GRID1: variants seen among roughly 807,000 people sequenced by gnomAD.
GRID1 encodes the protein glutamate receptor ionotropic, delta-1.
In GRID1, 28 loss-of-function variants were observed where a neutral mutation model predicts 98.0. That is an observed-to-expected ratio of 0.29 (90% CI 0.21 to 0.39). The LOEUF is 0.39. Ranked by LOEUF, GRID1 falls within the 10% of genes least tolerant of loss-of-function variation. The probability of loss-of-function intolerance (pLI) is 1.00; values close to 1 mark genes in which losing one functional copy is unlikely to be tolerated. For missense variants in GRID1, 1,111 were observed against 1,340.5 expected (o/e 0.83, Z 2.67); for synonymous variants, 553 against 538.5 (o/e 1.03, Z -0.37).
At chr10:86,140,317 G>A (rs1589385394) in intron 3 of GRID1, among the ~76,000 whole-genome samples, 1 of 152,366 alleles carries the variant, frequency 6.6e-6, no homozygotes. Flanking sequence ...GCACGGCCTG[G>A]CCCATGCAGT....
chr10:86,342,802 G>A (rs1448731839), intron 2 of GRID1, among the ~76,000 whole-genome samples: 2 of 152,236 alleles, frequency 1.3e-5, no homozygotes, highest in Non-Finnish European at 2.9e-5. Context: ...TGTGAGCCCC[G>A]GCCCGACAGC....
At chr10:86,261,946 A>G (rs1243935474) in intron 2 of GRID1, among the ~76,000 whole-genome samples, 1 of 152,264 alleles carries the variant, frequency 6.6e-6, no homozygotes, top group Non-Finnish European at 1.5e-5. Flanking sequence ...TGTGTGCCAG[A>G]CATCAGCCCA....
intron 9 of GRID1, 70 bp from the exon 10 acceptor site, chr10:85,728,122 T>C: frequency 9.1e-7 from 1 of 1,098,598 alleles, no homozygotes. Context: ...CAGTGTAATG[T>C]TAGAGAGAAA....
chr10:86,064,497 G>T (rs1457436868), intron 4 of GRID1, among the ~76,000 whole-genome samples: 2 of 152,212 alleles, frequency 1.3e-5, no homozygotes, highest in African/African-American at 4.8e-5. Flanking sequence ...CTCCCTGAGG[G>T]CACAGTGCCT....
At chr10:85,940,529 C>A (rs1296440478) in intron 4 of GRID1, among the ~76,000 whole-genome samples, 1 of 152,110 alleles carries the variant, frequency 6.6e-6, no homozygotes, top group African/African-American at 2.4e-5. Context: ...GAGAAACATC[C>A]GTTTCTATCG....
intron 2 of GRID1, among the ~76,000 whole-genome samples, chr10:86,246,191 C>G (rs897884855): frequency 6.6e-6 from 1 of 152,224 alleles, no homozygotes; most frequent in African/African-American, 2.4e-5. Context: ...TGACTTAGAG[C>G]CAGCCTGGAG....
At chr10:86,361,113 C>A (rs1454579547) in intron 2 of GRID1, among the ~76,000 whole-genome samples, 1 of 152,208 alleles carries the variant, frequency 6.6e-6, no homozygotes, top group Non-Finnish European at 1.5e-5. Flanking sequence ...ATTCATCAAG[C>A]AGGGATCAAG....
chr10:86,206,749 C>T lies in GRID1; in HGVS notation c.236-101G>A. 8.8e-7 allele frequency: 1 copy of T among 1,131,702 alleles called. No individual in the cohort carries two copies. Among genetic ancestry groups the T allele is most frequent in the Non-Finnish European group, 1.3e-6 (1 of 799,178 alleles). The allele number at this position is 1,131,702 out of a possible 1,614,324, so 70.1% of individuals were successfully genotyped here. ...TGCCTGGCAGCTCATGCCCAGGACT[C>T]CCAAGAGAGGCTGCCTCCCTCCAGG... On this transcript the variant is annotated intron_variant, in intron 2 of 15. Coordinates refer to ENST00000327946, the MANE Select transcript of GRID1 (RefSeq NM_017551.3). This position sits in a 1 kb window ranked among gnomAD's most constrained non-coding sequence, Gnocchi z 4.1.
intron 4 of GRID1, among the ~76,000 whole-genome samples, chr10:85,937,709 C>T (rs749959594): frequency 9.9e-5 from 15 of 152,186 alleles, no homozygotes; most frequent in Non-Finnish European, 4.4e-5. Flanking sequence ...CCCACTGGAA[C>T]ATTTGGCAAT....
At chr10:85,812,236 A>T (rs1233290245) in intron 8 of GRID1, among the ~76,000 whole-genome samples, 12 of 152,214 alleles carry the variant, frequency 7.9e-5, no homozygotes, top group Non-Finnish European at 1.3e-4. Flanking sequence ...GATAACTACC[A>T]TCATGAAAAC....
chr10:86,324,631 T>G lies in GRID1; in HGVS notation c.235+39310A>C, dbSNP rs552384623. 3.9e-5 allele frequency among the ~76,000 whole-genome samples: 6 copies of G among 152,194 alleles called. No homozygotes were observed. In the East Asian group the frequency reaches 1.2e-3, roughly 29 times the overall value. On this transcript the variant is annotated intron_variant, in intron 2 of 15. Coordinates refer to ENST00000327946, the MANE Select transcript of GRID1 (RefSeq NM_017551.3). The stretch of plus-strand genomic sequence containing the variant: ...AAAAACCTGGACAAAGAAAACACAG[T>G]TGATTCAATAAAAGGCAGGAAAGGG...
At chr10:85,674,921 T>C (rs1317645846) in intron 12 of GRID1, among the ~76,000 whole-genome samples, 1 of 152,196 alleles carries the variant, frequency 6.6e-6, no homozygotes, top group Non-Finnish European at 1.5e-5. Flanking sequence ...AGAGTATCGT[T>C]CTGCTTAAAC....
chr10:85,701,748 T>G (rs1361607036), intron 12 of GRID1, among the ~76,000 whole-genome samples: 1 of 152,164 alleles, frequency 6.6e-6, no homozygotes, highest in Non-Finnish European at 1.5e-5. Flanking sequence ...AAACATCATA[T>G]GTTCTCACTG....
intron 15 of GRID1, chr10:85,606,899 G>A (rs1249021020): frequency 1.3e-5 from 2 of 152,146 alleles, no homozygotes; most frequent in East Asian, 3.8e-4. Flanking sequence ...ATTATCCCAA[G>A]GTTTCGGTAT....
chr10:85,880,300 C>G (rs1447557447), intron 5 of GRID1, among the ~76,000 whole-genome samples: 1 of 152,160 alleles, frequency 6.6e-6, no homozygotes. Context: ...GATACCAAAG[C>G]TGGGCAGAGA....
rs75976157 is a variant in GRID1 at position 85,836,459 on chromosome 10, G to C, written c.1233+18037C>G. Among the ~76,000 whole-genome samples, 971 of 152,262 alleles carry C rather than the reference G, an allele frequency of 6.4e-3. 10 individuals are homozygous for C. The highest frequency in any genetic ancestry group is 0.022 in the African/African-American group (898 of 41,560). ...TGGGATTCATTTTTGACCTACAACA[G>C]CTCTAGGGGAATGGATGAATTGAAC... is the stretch of plus-strand genomic sequence containing the variant. On this transcript the variant is annotated intron_variant, in intron 8 of 15. Coordinates refer to ENST00000327946, the MANE Select transcript of GRID1 (RefSeq NM_017551.3).
intron 2 of GRID1, among the ~76,000 whole-genome samples, chr10:86,244,022 A>G (rs546163439): frequency 2.0e-5 from 3 of 152,292 alleles, no homozygotes; most frequent in South Asian, 4.1e-4. Flanking sequence ...ACATGTATAC[A>G]TGTATGTGTG....
rs555505407 is a variant in GRID1, at chr10:85,723,258, C to A, written c.1859-117G>T. The stretch of plus-strand genomic sequence containing the variant: ...GCCATCACTCGTGATGGGCTGGAAC[C>A]AGGGAGGTGACTGTCAGCTGGGTCT... On this transcript the variant is annotated intron_variant, in intron 11 of 15. Coordinates refer to ENST00000327946, the MANE Select transcript of GRID1 (RefSeq NM_017551.3). 2.3e-5 allele frequency: 23 copies of A among 998,920 alleles called. No homozygotes were observed. The African/African-American group carries it at 3.6e-4, about 16-fold the overall frequency. The allele number at this position is 998,920 out of a possible 1,614,324, so 61.9% of individuals were successfully genotyped here.
Position 85,615,228 on chromosome 10 carries a change from GC to G in GRID1, c.2361-1582del, listed in dbSNP as rs1350762149. ...AGCATCATGGGTCCAGTACAGCATG[GC>G]CTCCTGATGGCTGGGAATGGCCTGG... is the stretch of plus-strand genomic sequence containing the variant. On this transcript the variant is annotated intron_variant, in intron 14 of 15. Coordinates refer to ENST00000327946, the MANE Select transcript of GRID1 (RefSeq NM_017551.3). Among the ~76,000 whole-genome samples the G allele has an allele frequency of 1.4e-4, 21 of 152,314 alleles. No individual in the cohort carries two copies. The East Asian group carries it at 3.9e-3, about 28-fold the overall frequency.
Sources: gnomAD v4.1 joint callset for allele counts (sites outside exome capture counted in the v4.1 genomes callset) on GRCh38, gnomAD v4.1.1 for gene constraint, Gnocchi (gnomAD v3.1) non-coding constraint, MANE v1.5 for transcripts, NCBI Gene and HGNC (gene_info 2026-07-23, HGNC 2026-07-21) for gene names.